RSPH14: variants seen among roughly 807,000 people sequenced by gnomAD.
RSPH14 encodes the protein radial spoke head 14 homolog, also known as rhabdoid tumor deletion region gene 1.
A neutral mutation model predicts 26.7 loss-of-function variants in RSPH14; 20 were observed. That is an observed-to-expected ratio of 0.75 (90% confidence interval 0.53 to 1.09). The LOEUF (loss-of-function observed/expected upper bound fraction) is 1.09. Ranked by LOEUF, RSPH14 falls within the 50% of genes least tolerant of loss-of-function variation. The pLI, the probability that RSPH14 is intolerant of heterozygous loss-of-function variation, is 0.00. For missense variants in RSPH14, 449 were observed against 457.2 expected (o/e 0.98, Z 0.16); for synonymous variants, 177 against 189.3 (o/e 0.93, Z 0.53).
intron 4 of RSPH14, among the ~76,000 whole-genome samples, chr22:23,119,407 C>T (rs1449397916): frequency 6.6e-6 from 1 of 152,212 alleles, no homozygotes; most frequent in Non-Finnish European, 1.5e-5. Context: ...GACTTTGTAA[C>T]CGTCTGTGGT....
chr22:23,090,891 A>G (rs1291018252), intron 4 of RSPH14, among the ~76,000 whole-genome samples: 5 of 152,196 alleles, frequency 3.3e-5, no homozygotes, highest in Admixed American at 2.0e-4. Context: ...CATCTGCCTC[A>G]TTCAGCAGCC....
intron 4 of RSPH14, among the ~76,000 whole-genome samples, chr22:23,106,692 T>G (rs992957171): frequency 6.6e-6 from 1 of 152,248 alleles, no homozygotes; most frequent in African/African-American, 2.4e-5. Flanking sequence ...CCCAGAGACG[T>G]GAGCGGTTGG....
intron 4 of RSPH14, among the ~76,000 whole-genome samples, chr22:23,069,068 A>G (rs994969490): frequency 1.3e-5 from 2 of 152,202 alleles, no homozygotes; most frequent in South Asian, 2.1e-4. Flanking sequence ...CAGGTACGTA[A>G]CGCAATGGTC....
At chr22:23,171,705 G>A in the RSPH14 span, among the ~76,000 whole-genome samples, 1 of 152,174 alleles carries the variant, frequency 6.6e-6, no homozygotes, top group South Asian at 2.1e-4. Flanking sequence ...AGCCAGGCGT[G>A]GTGGCACGTG....
intron 4 of RSPH14, among the ~76,000 whole-genome samples, chr22:23,117,526 G>A (rs551371339): frequency 6.6e-5 from 10 of 152,214 alleles, no homozygotes; most frequent in Non-Finnish European, 1.5e-4. Context: ...CTCATGCTGG[G>A]ACAGAGGGAA....
chr22:23,169,052 G>A, the RSPH14 span, among the ~76,000 whole-genome samples: 9 of 152,178 alleles, frequency 5.9e-5, no homozygotes, highest in African/African-American at 2.2e-4. Flanking sequence ...AGGAGACTCC[G>A]CTGGGATTCT....
intron 3 of RSPH14, among the ~76,000 whole-genome samples, chr22:23,137,455 T>C (rs1018303001): frequency 2.6e-5 from 4 of 151,866 alleles, no homozygotes; most frequent in Non-Finnish European, 5.9e-5. Flanking sequence ...TCACTACTTC[T>C]GTGGGTAGAA....
At chr22:23,180,453 C>A in the RSPH14 span, 144 of 169,684 alleles carry the variant, frequency 8.5e-4, no homozygotes, top group East Asian at 9.6e-3. Flanking sequence ...AGAGGCCCGC[C>A]TGGCTCCGTC....
chr22:23,104,713 G>A (rs981300764), intron 4 of RSPH14, among the ~76,000 whole-genome samples: 1 of 151,124 alleles, frequency 6.6e-6, no homozygotes, highest in Non-Finnish European at 1.5e-5. Context: ...CAGTGTAGAT[G>A]GGGGGATCTG....
the RSPH14 span, among the ~76,000 whole-genome samples, chr22:23,150,397 G>A: frequency 6.6e-6 from 1 of 151,666 alleles, no homozygotes; most frequent in Non-Finnish European, 1.5e-5. Flanking sequence ...TGCCTCCCGG[G>A]TTCATGCCAT....
chr22:23,080,231 T>C (rs1015707678), intron 4 of RSPH14, among the ~76,000 whole-genome samples: 8 of 152,222 alleles, frequency 5.3e-5, no homozygotes, highest in African/African-American at 1.9e-4. Context: ...CCTGAGTCAG[T>C]GTTCCTCAGG....
chr22:23,128,884 C>T (rs1459366730), intron 4 of RSPH14, among the ~76,000 whole-genome samples: 1 of 152,218 alleles, frequency 6.6e-6, no homozygotes, highest in African/African-American at 2.4e-5. Context: ...TGCCAGGCGC[C>T]CTGCCAGGTG....
chr22:23,079,813 G>A (rs551421034), intron 4 of RSPH14, among the ~76,000 whole-genome samples: 1 of 152,272 alleles, frequency 6.6e-6, no homozygotes, highest in East Asian at 1.9e-4. Context: ...AACCTGTGGT[G>A]CCAGCCTCAG....
At chr22:23,128,122 C>A (rs998603161) in intron 4 of RSPH14, among the ~76,000 whole-genome samples, 3 of 152,320 alleles carry the variant, frequency 2.0e-5, no homozygotes, top group East Asian at 3.9e-4. Flanking sequence ...CAGTCAGGAC[C>A]AGTGGGATGG....
the RSPH14 span, chr22:23,152,961 A>T: frequency 9.4e-7 from 1 of 1,060,850 alleles, no homozygotes; most frequent in Non-Finnish European, 1.5e-6. Flanking sequence ...AAAGACTTGC[A>T]GTGTTACAAG....
At chr22:23,179,260 G>A in the RSPH14 span, among the ~76,000 whole-genome samples, 1 of 150,366 alleles carries the variant, frequency 6.7e-6, no homozygotes, top group Non-Finnish European at 1.5e-5. Flanking sequence ...TCACTTCAAG[G>A]AAACTGAGGC....
At chr22:23,180,539 A>G in the RSPH14 span, 1 of 184,122 alleles carries the variant, frequency 5.4e-6, no homozygotes. Context: ...GAGTGCGGCG[A>G]GAGCCGGCTG....
At position 23,134,299 on chromosome 22, in the gene RSPH14, G is replaced by A. The variant is rs185497390; in HGVS notation, c.303-155C>T. On this transcript the variant is annotated intron_variant, in intron 3 of 6. Transcript: ENST00000216036. ...GGGAGCAGACAAAGGCTACAGGTGC[G>A]TGATCCATCTCACCTGAACCTCCAG... Among the ~76,000 whole-genome samples the A allele has an allele frequency of 1.4e-3, 208 of 152,130 alleles. 3 individuals are homozygous for A. The highest frequency in any genetic ancestry group is 9.0e-3 in the Admixed American group (138 of 15,280).
intron 4 of RSPH14, among the ~76,000 whole-genome samples, chr22:23,073,849 C>T (rs184269025): frequency 1.1e-4 from 17 of 151,508 alleles, no homozygotes; most frequent in African/African-American, 3.4e-4. Flanking sequence ...TCACACCAGA[C>T]GGGCAGGGGT....
Sources: allele counts gnomAD v4.1 joint callset (sites outside exome capture counted in the v4.1 genomes callset), GRCh38; gene constraint gnomAD v4.1.1; transcripts MANE v1.5; gene names NCBI Gene and HGNC (gene_info 2026-07-23, HGNC 2026-07-21).